EPCAM: variants seen among roughly 807,000 people sequenced by gnomAD.
The protein encoded by EPCAM is adenocarcinoma-associated antigen.
Under a neutral mutation model 40.0 loss-of-function variants are expected in EPCAM, and 39 were observed. The ratio of observed to expected loss-of-function variants is 0.98; its 90% CI spans 0.76 to 1.27. The LOEUF (loss-of-function observed/expected upper bound fraction) is 1.27, where lower values mean the gene tolerates loss of function less well. Ranked by LOEUF, EPCAM falls within the 50% of genes most tolerant of loss-of-function variation. EPCAM has a pLI of 0.00. For missense variants in EPCAM, 503 were observed against 381.2 expected (o/e 1.32, Z -2.66); for synonymous variants, 168 against 132.3 (o/e 1.27, Z -1.85).
Position 47,370,083 on chromosome 2 carries a change from C to T in EPCAM, c.76+502C>T, listed in dbSNP as rs550775694. Among the ~76,000 whole-genome samples, 5 of 152,360 alleles carry T rather than the reference C, an allele frequency of 3.3e-5. No individual in the cohort carries two copies. The East Asian group carries it at 9.7e-4, about 29-fold the overall frequency. Reference sequence around the variant, plus strand: ...GGAGGCCTCCAGGGCCGCTATGCACCTGCGCGCGGCAGGCGGCCCGGACCA... The same window carrying T: ...GGAGGCCTCCAGGGCCGCTATGCACTTGCGCGCGGCAGGCGGCCCGGACCA... On this transcript the variant is annotated intron_variant, in intron 1 of 8. Transcript: ENST00000263735.
chr2:47,385,241 C>T (rs2103768726), intron 8 of EPCAM, 31 bp downstream of exon 8: 1 of 1,575,362 alleles, frequency 6.3e-7, no homozygotes. Context: ...AATAGAAAGG[C>T]CCTGTTGAAT....
At chr2:47,386,551 C>A (rs1276656675) in intron 8 of EPCAM, 21 bp from the exon 9 acceptor site, 2 of 1,576,938 alleles carry the variant, frequency 1.3e-6, no homozygotes, top group East Asian at 2.2e-5. Context: ...GAATTTTTTT[C>A]TGTGCTTTTT....
intron 3 of EPCAM, among the ~76,000 whole-genome samples, 187 bp from the exon 4 acceptor site, chr2:47,375,047 A>G (rs886812797): frequency 2.0e-5 from 3 of 152,204 alleles, no homozygotes; most frequent in African/African-American, 7.2e-5. Flanking sequence ...TCAATATTAG[A>G]AAAGGTGTTC....
In EPCAM at chr2:47,385,035, G is replaced by A. The variant is rs530865154; in HGVS notation, c.859-131G>A. 2.4e-4 allele frequency: 180 copies of A among 758,704 alleles called. 3 individuals are homozygous for A. In the Middle Eastern group the frequency reaches 5.5e-3, roughly 23 times the overall value. The allele number at this position is 758,704 out of a possible 1,614,324, so 47.0% of individuals were successfully genotyped here. ...ATTTTTAATTTAAGAAGCAATAAAT[G>A]TTTATGGATAGATGTTAAAATTAGT... On this transcript the variant is annotated intron_variant, in intron 7 of 8. Coordinates refer to ENST00000263735, the MANE Select transcript of EPCAM (RefSeq NM_002354.3).
intron 7 of EPCAM, among the ~76,000 whole-genome samples, chr2:47,384,450 G>C (rs1057427347): frequency 6.6e-6 from 1 of 151,424 alleles, no homozygotes; most frequent in African/African-American, 2.4e-5. Flanking sequence ...GTCCCACTCT[G>C]TCGCCCAGGC....
intron 4 of EPCAM, 42 bp from the exon 5 acceptor site, chr2:47,376,972 T>G: frequency 7.5e-7 from 1 of 1,338,646 alleles, no homozygotes; most frequent in Non-Finnish European, 1.1e-6. Context: ...TGTTGTGTGG[T>G]ACAAACATTT....
chr2:47,373,441 G>T (rs10177242), intron 1 of EPCAM, 22 bp from the exon 2 acceptor site: 2 of 1,457,538 alleles, frequency 1.4e-6, no homozygotes, highest in Non-Finnish European at 1.9e-6. Context: ...TTTTAAAGTA[G>T]ATTTTTTTTT....
At chr2:47,384,501 C>A (rs1305654581) in intron 7 of EPCAM, among the ~76,000 whole-genome samples, 1 of 151,908 alleles carries the variant, frequency 6.6e-6, no homozygotes, top group African/African-American at 2.4e-5. Context: ...GCAACCTCTG[C>A]CTCTCGGGTT....
chr2:47,375,093 G>C, intron 3 of EPCAM, 141 bp from the exon 4 acceptor site: 1 of 652,248 alleles, frequency 1.5e-6, no homozygotes, highest in Non-Finnish European at 2.8e-6. Context: ...GATGTGTAAG[G>C]GAAGAAATTA....
At chr2:47,370,457 A>G (rs185560763) in intron 1 of EPCAM, among the ~76,000 whole-genome samples, 1 of 151,784 alleles carries the variant, frequency 6.6e-6, no homozygotes, top group East Asian at 2.0e-4. Context: ...TTGTATTGTT[A>G]GTAGAGACGG....
chr2:47,374,649 CTTTTT>C (rs951082789), intron 3 of EPCAM, among the ~76,000 whole-genome samples: 1 of 150,298 alleles, frequency 6.7e-6, no homozygotes, highest in Non-Finnish European at 1.5e-5. Context: ...CTTTTCTTTT[CTTTTT>C]TTTTCGAGAT....
At position 47,369,368 on chromosome 2, in the gene EPCAM, G is replaced by T; in HGVS notation, c.-138G>T. The T allele has an allele frequency of 1.7e-6, 2 of 1,197,624 alleles. No homozygotes were observed. The highest frequency in any genetic ancestry group is 2.2e-6 in the Non-Finnish European group (2 of 916,660). 74.2% of individuals were successfully genotyped at this position (1,197,624 alleles called of 1,614,324 possible). On this transcript the variant is annotated 5_prime_UTR_variant, in exon 1 of 9. Transcript: ENST00000263735. ...TTCGACGCGGTCCGGGGACCCCCTC[G>T]TCGCTGTCCTCCCGACGCGGACCCG...
intron 5 of EPCAM, among the ~76,000 whole-genome samples, chr2:47,377,311 A>G (rs1277389920): frequency 2.0e-5 from 3 of 152,026 alleles, no homozygotes; most frequent in African/African-American, 7.2e-5. Context: ...ATCTCGGCTC[A>G]ATGTAACCTC....
chr2:47,380,978 C>T (rs754278896), intron 7 of EPCAM, among the ~76,000 whole-genome samples: 15 of 145,330 alleles, frequency 1.0e-4, no homozygotes, highest in Non-Finnish European at 1.8e-4. Flanking sequence ...GTAATCTATT[C>T]GGGAGGCTGA....
In EPCAM at chr2:47,383,607, C is replaced by CTTTTT. The variant is rs760722807; in HGVS notation, c.859-1518_859-1514dup. On this transcript the variant is annotated intron_variant, in intron 7 of 8. Coordinates refer to ENST00000263735, the MANE Select transcript of EPCAM (RefSeq NM_002354.3). ...CATGAGCCACTGTGCCCGGCTTCTT[C>CTTTTT]TTTTTTTTTTTTTTTTTTTTTTTTT... Among the ~76,000 whole-genome samples, 106 of 36,462 alleles carry CTTTTT rather than the reference C, an allele frequency of 2.9e-3. 28 individuals carry two copies. The highest frequency in any genetic ancestry group is 0.048 in the Middle Eastern group (2 of 42). The allele number at this position is 36,462 out of a possible 152,430, so 23.9% of individuals were successfully genotyped here.
Position 47,378,929 on chromosome 2 carries a change from GTAT to G in EPCAM, c.556-19_556-17del, listed in dbSNP as rs529478744. 729 of 958,072 alleles carry G rather than the reference GTAT, an allele frequency of 7.6e-4. 3 individuals are homozygous for G. The African/African-American group carries it at 9.1e-3, about 12-fold the overall frequency. The allele number at this position is 958,072 out of a possible 1,614,324, so 59.3% of individuals were successfully genotyped here. On this transcript the variant is annotated intron_variant, in intron 5 of 8. Transcript: ENST00000263735. ...ATTTTGATTATATTAGTATTAATTTGTATTATTCAATTTTTTTCCCCAGTATGA... is the reference window on the plus strand; with the variant it reads ...ATTTTGATTATATTAGTATTAATTTGTATTCAATTTTTTTCCCCAGTATGA...
At chr2:47,383,153 A>C (rs1671637761) in intron 7 of EPCAM, 1 of 152,070 alleles carries the variant, frequency 6.6e-6, no homozygotes, top group Non-Finnish European at 1.5e-5. Flanking sequence ...AAAAATACAA[A>C]AAATTAGCCA....
rs1228140225 is a variant in EPCAM at position 47,369,552 on chromosome 2, C to T, written c.47C>T (p.Ala16Val). The T allele has an allele frequency of 6.3e-7, 1 of 1,587,322 alleles. No homozygotes were observed. Among genetic ancestry groups the T allele is most frequent in the East Asian group, 2.3e-5 (1 of 43,548 alleles). ...GCGTTCGGGCTTCTGCTTGCCGCGG[C>T]GACGGCGACTTTTGCCGCAGCTCAG... ...VLAFGLLLAA[A>V]TATFAAAQEE... is the part of the protein sequence containing the mutation. Residue 16 changes from alanine to valine, a missense_variant, in exon 1 of 9, where the codon GCG becomes GTG. Physicochemically the swap from Ala to Val is moderately conservative, Grantham distance 64. Transcript: ENST00000263735.
At chr2:47,370,542 T>C (rs1671232354) in intron 1 of EPCAM, among the ~76,000 whole-genome samples, 1 of 151,408 alleles carries the variant, frequency 6.6e-6, no homozygotes, top group South Asian at 2.1e-4. Context: ...CCCAAAGTGC[T>C]GTGATTACAG....
Sources: gnomAD v4.1 joint callset for allele counts (sites outside exome capture counted in the v4.1 genomes callset) on GRCh38, gnomAD v4.1.1 for gene constraint, MANE v1.5 for transcripts, NCBI Gene and HGNC (gene_info 2026-07-23, HGNC 2026-07-21) for gene names.